HOXB3: variants seen among roughly 807,000 people sequenced by gnomAD.
The protein encoded by HOXB3 is homeobox B3.
HOXB3 carries 17 observed loss-of-function variants against 29.2 expected under a neutral mutation model. The ratio of observed to expected loss-of-function variants is 0.58; its 90% CI spans 0.40 to 0.87. The LOEUF (loss-of-function observed/expected upper bound fraction) is 0.87, where lower values mean the gene tolerates loss of function less well. HOXB3 is among the 40% of genes least tolerant of loss of function. HOXB3 has a pLI of 0.00. For missense variants in HOXB3, 637 were observed against 616.3 expected (o/e 1.03, Z -0.35); for synonymous variants, 317 against 285.9 (o/e 1.11, Z -1.10).
At position 48,550,412 on chromosome 17, in the gene HOXB3, G is replaced by A; in HGVS notation, c.1218C>T (p.Thr406=). Residue 406 remains threonine (T), a synonymous_variant, in exon 5 of 5, where the codon ACC becomes ACT. Coordinates refer to ENST00000498678, the MANE Select transcript of HOXB3 (RefSeq NM_001384749.1). The part of the protein sequence containing the change: ...QHHGPCEPHP[T]YTDLSSHHAP... The stretch of plus-strand genomic sequence containing the variant: ...CGTGGTGAGAGGAGAGGTCTGTGTA[G>A]GTGGGGTGGGGTTCGCAGGGTCCGT... The A allele has an allele frequency of 6.2e-7, 1 of 1,614,094 alleles. No homozygotes were observed. The highest frequency in any genetic ancestry group is 8.5e-7 in the Non-Finnish European group (1 of 1,180,028).
chr17:48,580,079 T>A (rs1045080080), intron 1 of HOXB3: 1 of 388,696 alleles, frequency 2.6e-6, no homozygotes, highest in African/African-American at 2.3e-5. Flanking sequence ...GCAGTGCGAG[T>A]CTGTTCTTGG....
At chr17:48,571,108 T>C (rs2069571035) in intron 2 of HOXB3, among the ~76,000 whole-genome samples, 1 of 152,220 alleles carries the variant, frequency 6.6e-6, no homozygotes, top group African/African-American at 2.4e-5. Flanking sequence ...ATCCTGGGAA[T>C]GTCCACGTTC....
chr17:48,564,219 C>A (rs1355783862), intron 2 of HOXB3, among the ~76,000 whole-genome samples: 3 of 151,912 alleles, frequency 2.0e-5, no homozygotes, highest in African/African-American at 7.2e-5. Context: ...CTTACCTGTG[C>A]GGTCTTCCGC....
intron 2 of HOXB3, among the ~76,000 whole-genome samples, chr17:48,563,357 G>T (rs1037922909): frequency 2.0e-5 from 3 of 152,162 alleles, no homozygotes; most frequent in Admixed American, 6.5e-5. Flanking sequence ...AGAACATGGG[G>T]TCTCTCTCCT....
intron 2 of HOXB3, among the ~76,000 whole-genome samples, chr17:48,572,428 G>A (rs2069613766): frequency 6.6e-6 from 1 of 152,186 alleles, no homozygotes; most frequent in South Asian, 2.1e-4. Context: ...GTTCAGGGCG[G>A]ATAAGCCCTT....
rs2069081106 is a variant in HOXB3 at position 48,558,557 on chromosome 17, G to T, written c.-246-2939C>A. Among the ~76,000 whole-genome samples the T allele has an allele frequency of 1.3e-5, 2 of 152,172 alleles. 1 individual carries two copies. The highest frequency in any genetic ancestry group is 4.1e-4 in the South Asian group (2 of 4,826). On this transcript the variant is annotated intron_variant, in intron 2 of 4. Coordinates refer to ENST00000498678, the MANE Select transcript of HOXB3 (RefSeq NM_001384749.1). ...TCTTGCCTTTTTTCTTCCATTCTCA[G>T]AGGTCTCTGGCGAGCAGGCGGGCTG...
rs1458914009 is a variant in HOXB3 at position 48,570,835 on chromosome 17, G to A, written c.-247+3002C>T. 2.0e-5 allele frequency among the ~76,000 whole-genome samples: 3 copies of A among 152,170 alleles called. No individual in the cohort carries two copies. The East Asian group carries it at 5.8e-4, about 29-fold the overall frequency. ...TGAATTCAGCCTGATCCCGATGTGG[G>A]CCCTGCTCCCGGCTCCAGCGAGGGC... On this transcript the variant is annotated intron_variant, in intron 2 of 4. Coordinates refer to ENST00000498678, the MANE Select transcript of HOXB3 (RefSeq NM_001384749.1).
At chr17:48,584,325 T>G (rs1006916174) in intron 1 of HOXB3, among the ~76,000 whole-genome samples, 2 of 152,170 alleles carry the variant, frequency 1.3e-5, no homozygotes, top group African/African-American at 4.8e-5. Context: ...GTAGGCAAGT[T>G]CTTAAACTGG....
At chr17:48,579,752 T>G in intron 1 of HOXB3, 1 of 297,256 alleles carries the variant, frequency 3.4e-6, no homozygotes, top group Non-Finnish European at 6.7e-6. Flanking sequence ...GAGGAAGGAG[T>G]CTTCGTGTGG....
At chr17:48,566,482 G>A (rs2069391541) in intron 2 of HOXB3, among the ~76,000 whole-genome samples, 1 of 151,896 alleles carries the variant, frequency 6.6e-6, no homozygotes, top group Non-Finnish European at 1.5e-5. Context: ...GTGGAGTGGG[G>A]GTGGGGGTGG....
intron 2 of HOXB3, among the ~76,000 whole-genome samples, chr17:48,560,928 C>T (rs915222514): frequency 3.3e-5 from 5 of 152,144 alleles, no homozygotes; most frequent in African/African-American, 4.8e-5. Context: ...ACCTTAAAAA[C>T]CACACTCTGT....
chr17:48,570,774 G>C (rs1453473317), intron 2 of HOXB3, among the ~76,000 whole-genome samples: 1 of 152,220 alleles, frequency 6.6e-6, no homozygotes, highest in Non-Finnish European at 1.5e-5. Context: ...GAGGTGGTCA[G>C]CTTTGATTGT....
intron 2 of HOXB3, chr17:48,559,825 C>T (rs570681081): frequency 2.0e-4 from 31 of 152,376 alleles, no homozygotes; most frequent in African/African-American, 6.0e-4. Context: ...TTTTCCCCAC[C>T]CCACGTGTGG....
rs1195131798 is a variant in HOXB3, at chr17:48,554,463, T to C, written c.-159+1068A>G. 8.3e-6 allele frequency: 5 copies of C among 599,818 alleles called. No homozygotes were observed. The African/African-American group carries it at 9.3e-5, about 11-fold the overall frequency. The allele number at this position is 599,818 out of a possible 1,614,324, so 37.2% of individuals were successfully genotyped here. A position where few individuals can be genotyped will look rare whatever the true frequency, so the allele number is the denominator to read the frequency against. On this transcript the variant is annotated intron_variant, in intron 3 of 4. Coordinates refer to ENST00000498678, the MANE Select transcript of HOXB3 (RefSeq NM_001384749.1). This position sits in a 1 kb window ranked among gnomAD's most constrained non-coding sequence, Gnocchi z 4.1. ...TCGCGGGACGGAGGCCAGGCGAGTGTGGAAAGCGAAGGAGCCAGAGACGCG... is the reference window on the plus strand; with the variant it reads ...TCGCGGGACGGAGGCCAGGCGAGTGCGGAAAGCGAAGGAGCCAGAGACGCG...
intron 2 of HOXB3, among the ~76,000 whole-genome samples, chr17:48,563,598 C>A (rs779890941): frequency 6.6e-6 from 1 of 152,226 alleles, no homozygotes; most frequent in African/African-American, 2.4e-5. Context: ...GTGCGTCAGG[C>A]TGGCATCGCT....
At position 48,550,445 on chromosome 17, in the gene HOXB3, G is replaced by T; in HGVS notation, c.1185C>A (p.Ser395Arg). ...GGGGTTCGCAGGGTCCGTGGTGCTG[G>T]CTGGGCGCCATAGGGGGCGCCCCGT... Reference protein sequence around the residue: ...DYNGAPPMAPSQHHGPCEPHP... With the variant: ...DYNGAPPMAPRQHHGPCEPHP... Residue 395 changes from serine (S) to arginine (R), a missense_variant, in exon 5 of 5, where the codon AGC becomes AGA. Ser to Arg is a moderately radical substitution (Grantham distance 110). Transcript: ENST00000498678. 1 of 1,613,594 alleles carries T rather than the reference G, an allele frequency of 6.2e-7. No individual in the cohort carries two copies. Among genetic ancestry groups the T allele is most frequent in the Non-Finnish European group, 8.5e-7 (1 of 1,179,928 alleles).
At chr17:48,551,616 G>T (rs896280308) in intron 4 of HOXB3, among the ~76,000 whole-genome samples, 2 of 152,258 alleles carry the variant, frequency 1.3e-5, no homozygotes, top group African/African-American at 4.8e-5. Context: ...ACACTCGTGG[G>T]CAGGAAGTGT....
chr17:48,578,226 C>A, intron 1 of HOXB3: 1 of 1,613,944 alleles, frequency 6.2e-7, no homozygotes, highest in Non-Finnish European at 8.5e-7. Flanking sequence ...GGCGAGTGGT[C>A]GCTGGGTAGG....
At chr17:48,552,868 G>T (rs920462369) in intron 3 of HOXB3, 9 of 180,904 alleles carry the variant, frequency 5.0e-5, no homozygotes, top group Non-Finnish European at 1.0e-4. Flanking sequence ...TATGGCAAAG[G>T]CCATTGCTTC....
Sources: allele counts gnomAD v4.1 joint callset (sites outside exome capture counted in the v4.1 genomes callset), GRCh38; gene constraint gnomAD v4.1.1; non-coding constraint Gnocchi (gnomAD v3.1); transcripts MANE v1.5; gene names NCBI Gene and HGNC (gene_info 2026-07-23, HGNC 2026-07-21).